Variants in SNX4 observed in about 807,000 individuals in gnomAD.
The protein encoded by SNX4 is sorting nexin 4, also known as sorting nexin-4.
Under a neutral mutation model 70.8 loss-of-function variants are expected in SNX4, and 49 were observed. The ratio of observed to expected loss-of-function variants is 0.69; its 90% CI spans 0.55 to 0.88. The LOEUF (loss-of-function observed/expected upper bound fraction) is 0.88. SNX4 is among the 40% of genes least tolerant of loss of function. The probability of loss-of-function intolerance (pLI) is 0.00; values close to 1 mark genes in which losing one functional copy is unlikely to be tolerated. For missense variants in SNX4, 528 were observed against 544.8 expected, an observed-to-expected ratio of 0.97 and a Z score of 0.31; for synonymous variants, 206 against 183.8, an observed-to-expected ratio of 1.12 and a Z score of -0.98.
At chr3:125,490,542 A>G (rs1031355578) in intron 5 of SNX4, among the ~76,000 whole-genome samples, 9 of 151,426 alleles carry the variant, frequency 5.9e-5, no homozygotes, top group East Asian at 3.9e-4. Flanking sequence ...AAAAAAAAAA[A>G]AAAGAAATAC....
At chr3:125,509,439 C>T (rs549585089) in intron 1 of SNX4, among the ~76,000 whole-genome samples, 26 of 151,564 alleles carry the variant, frequency 1.7e-4, no homozygotes, top group African/African-American at 6.3e-4. Context: ...AGAGAACTCC[C>T]AAAACTCAAC....
chr3:125,506,507 ATTTT>A (rs554917775), intron 1 of SNX4, among the ~76,000 whole-genome samples: 1 of 134,698 alleles, frequency 7.4e-6, no homozygotes. Context: ...TACCAGGCTA[ATTTT>A]TTTTTTTTTT....
At chr3:125,487,312 CA>C (rs1559818746) in intron 6 of SNX4, among the ~76,000 whole-genome samples, 3 of 151,912 alleles carry the variant, frequency 2.0e-5, no homozygotes, top group Non-Finnish European at 2.9e-5. Context: ...AACATAAGGG[CA>C]AAAAAACTGC....
At chr3:125,451,087 G>C (rs1448442314) in intron 13 of SNX4, among the ~76,000 whole-genome samples, 1 of 151,844 alleles carries the variant, frequency 6.6e-6, no homozygotes, top group Non-Finnish European at 1.5e-5. Context: ...GCAACATAGC[G>C]AGACCCCCCC....
chr3:125,489,708 C>A (rs951275024), intron 5 of SNX4, among the ~76,000 whole-genome samples: 1 of 152,188 alleles, frequency 6.6e-6, no homozygotes, highest in Non-Finnish European at 1.5e-5. Context: ...ACTGTACACA[C>A]CAACCAATAC....
intron 1 of SNX4, among the ~76,000 whole-genome samples, chr3:125,515,780 G>A (rs1054468185): frequency 6.6e-5 from 10 of 152,000 alleles, no homozygotes; most frequent in Non-Finnish European, 1.5e-4. Context: ...GGGTGCTGTG[G>A]CTCACTCTTG....
At chr3:125,515,915 T>C (rs1935269482) in intron 1 of SNX4, among the ~76,000 whole-genome samples, 1 of 152,160 alleles carries the variant, frequency 6.6e-6, no homozygotes. Context: ...GATTTTATCA[T>C]CTGCTGCTAA....
chr3:125,472,612 T>C (rs1193862254), intron 8 of SNX4, among the ~76,000 whole-genome samples: 1 of 152,222 alleles, frequency 6.6e-6, no homozygotes, highest in Non-Finnish European at 1.5e-5. Flanking sequence ...GTTCCTGCAC[T>C]TGGTACAGCT....
chr3:125,483,074 C>CAT (rs1372256716), intron 6 of SNX4, among the ~76,000 whole-genome samples: 1 of 151,650 alleles, frequency 6.6e-6, no homozygotes, highest in Non-Finnish European at 1.5e-5. Context: ...TATCAATCTA[C>CAT]ATATATATCT....
intron 1 of SNX4, among the ~76,000 whole-genome samples, chr3:125,509,445 T>C (rs1465586453): frequency 6.6e-6 from 1 of 150,596 alleles, no homozygotes; most frequent in Admixed American, 6.6e-5. Context: ...CTCCCAAAAC[T>C]CAACAACAAA....
intron 5 of SNX4, among the ~76,000 whole-genome samples, chr3:125,496,116 C>T (rs1290114217): frequency 6.6e-6 from 1 of 152,044 alleles, no homozygotes; most frequent in Non-Finnish European, 1.5e-5. Context: ...ATAGTGAGAC[C>T]TCATCTCTAC....
At chr3:125,454,771 A>AT (rs1933665480) in intron 11 of SNX4, among the ~76,000 whole-genome samples, 1 of 152,202 alleles carries the variant, frequency 6.6e-6, no homozygotes, top group Non-Finnish European at 1.5e-5. Context: ...AACATTTGCC[A>AT]TATTTCCCCT....
rs535488834 is a variant in SNX4 at position 125,462,451 on chromosome 3, A to G, written c.855-1591T>C. 3.9e-5 allele frequency among the ~76,000 whole-genome samples: 6 copies of G among 152,060 alleles called. No individual in the cohort carries two copies. In the South Asian group the frequency reaches 1.2e-3, roughly 32 times the overall value. ...CAAAAAATACAAAAATTAGCTGGAC[A>G]TGGTAGTGCATGCCTATAGTCCCAG... On this transcript the variant is annotated intron_variant, in intron 9 of 13. Coordinates refer to ENST00000251775, the MANE Select transcript of SNX4 (RefSeq NM_003794.4).
intron 1 of SNX4, among the ~76,000 whole-genome samples, chr3:125,519,827 C>T (rs1381981074): frequency 1.3e-5 from 2 of 151,844 alleles, no homozygotes; most frequent in African/African-American, 4.9e-5. Flanking sequence ...CTGGCGCTCG[C>T]CCCACACCCA....
chr3:125,452,897 A>T (rs1358309674), intron 12 of SNX4, among the ~76,000 whole-genome samples: 1 of 152,050 alleles, frequency 6.6e-6, no homozygotes, highest in East Asian at 1.9e-4. Context: ...GATTACAGGC[A>T]TGAGCTACCG....
chr3:125,448,136 C>CT (rs112025725), intron 13 of SNX4, among the ~76,000 whole-genome samples: 1,609 of 142,984 alleles, frequency 0.011, 16 homozygotes, highest in African/African-American at 0.033. Flanking sequence ...AGTTTTCAGT[C>CT]TTTTTTTTTT....
chr3:125,473,351 G>A (rs1934220727), intron 8 of SNX4, among the ~76,000 whole-genome samples: 2 of 151,686 alleles, frequency 1.3e-5, no homozygotes, highest in African/African-American at 4.8e-5. Flanking sequence ...CACTTAAACT[G>A]CTTTCCAAAT....
intron 5 of SNX4, among the ~76,000 whole-genome samples, chr3:125,490,316 C>G (rs916151115): frequency 2.0e-5 from 3 of 151,594 alleles, no homozygotes; most frequent in Non-Finnish European, 4.4e-5. Context: ...AGGCGGAGCA[C>G]GAGGTCAGGA....
rs1188303280 is a variant in SNX4, at chr3:125,490,486, G to A, written c.598-1023C>T. On this transcript the variant is annotated intron_variant, in intron 5 of 13. Transcript: ENST00000251775. ...TTGCAGTGAGCCGAGATCGTGCCAC[G>A]GCACTCCAGCCTGGGCGACAGAGTG... Among the ~76,000 whole-genome samples, 162 of 141,296 alleles carry A rather than the reference G, an allele frequency of 1.1e-3. 1 individual carries two copies. Among genetic ancestry groups the A allele is most frequent in the Non-Finnish European group, 6.1e-4 (40 of 65,554 alleles). 92.7% of individuals were successfully genotyped at this position (141,296 alleles called of 152,430 possible).
Sources: allele counts gnomAD v4.1 joint callset (sites outside exome capture counted in the v4.1 genomes callset), GRCh38; gene constraint gnomAD v4.1.1; transcripts MANE v1.5; gene names NCBI Gene and HGNC (gene_info 2026-07-23, HGNC 2026-07-21).